The following LRP2 variants were observed in gnomAD, a reference collection of about 807,000 sequenced individuals.
The protein encoded by LRP2 is LDL receptor related protein 2.
Under a neutral mutation model 531.0 loss-of-function variants are expected in LRP2, and 172 were observed. That is an observed-to-expected ratio of 0.32 (90% CI 0.29 to 0.37). The LOEUF (loss-of-function observed/expected upper bound fraction) is 0.37. Ranked by LOEUF, LRP2 falls within the 10% of genes least tolerant of loss-of-function variation. The pLI is 1.00. For missense variants in LRP2, 5,167 were observed against 5,868.3 expected (o/e 0.88, Z 3.90); for synonymous variants, 1,992 against 2,027.6 (o/e 0.98, Z 0.47).
intron 58 of LRP2, 67 bp from the exon 59 acceptor site, chr2:169,170,734 C>T: frequency 8.8e-7 from 1 of 1,130,778 alleles, no homozygotes. Context: ...ATCTTGTGAG[C>T]TGACCATAGT....
chr2:169,220,348 A>G, intron 34 of LRP2, 106 bp downstream of exon 34: 2 of 813,298 alleles, frequency 2.5e-6, no homozygotes, highest in Non-Finnish European at 4.3e-6. Flanking sequence ...ATGTTGACAT[A>G]TGAAATCAGA....
At chr2:169,243,629 T>G (rs1480300722) in intron 22 of LRP2, 107 bp from the exon 23 acceptor site, 2 of 1,357,614 alleles carry the variant, frequency 1.5e-6, no homozygotes, top group Non-Finnish European at 2.1e-6. Context: ...CAATTGTACA[T>G]GGGTTCAAAA....
chr2:169,227,723 T>C (rs1237292036), intron 31 of LRP2, among the ~76,000 whole-genome samples: 4 of 152,226 alleles, frequency 2.6e-5, no homozygotes, highest in African/African-American at 9.6e-5. Flanking sequence ...CTTTTTCTTG[T>C]TCCTATCATT....
chr2:169,199,153 C>A (rs1688103023), intron 44 of LRP2, among the ~76,000 whole-genome samples: 1 of 152,170 alleles, frequency 6.6e-6, no homozygotes, highest in African/African-American at 2.4e-5. Flanking sequence ...CTTAAATCAT[C>A]TGTTTTCATT....
Position 169,206,498 on chromosome 2 carries a change from G to A in LRP2, c.7222C>T (p.His2408Tyr). The A allele has an allele frequency of 6.2e-7, 1 of 1,614,186 alleles. No homozygotes were observed. The change falls in exon 39 of 79, where the codon CAT (histidine) becomes TAT (tyrosine). Residue 2408 changes from histidine to tyrosine, a missense_variant. His to Tyr is a moderately conservative substitution (Grantham distance 83). Coordinates refer to ENST00000649046, the MANE Select transcript of LRP2 (RefSeq NM_004525.3). The part of the protein sequence containing the change: ...LRSLHLDPEN[H>Y]SPPFQTINVE... ...TTTATTGTTTGGAAAGGTGGGCTATGGTTTTCAGGGTCCAAGTGTAAGCTT... is the reference window on the plus strand; with the variant it reads ...TTTATTGTTTGGAAAGGTGGGCTATAGTTTTCAGGGTCCAAGTGTAAGCTT...
intron 4 of LRP2, among the ~76,000 whole-genome samples, chr2:169,299,131 G>GAAAGAAAGAAAGAAAGAAAGAA (rs1684215157): frequency 1.4e-5 from 1 of 72,038 alleles, no homozygotes; most frequent in African/African-American, 4.9e-5. Flanking sequence ...AAGAAAGAAA[G>GAAAGAAAGAAAGAAAGAAAGAA]AAAGAAAGAA....
chr2:169,196,482 C>G (rs1342956898), intron 46 of LRP2, among the ~76,000 whole-genome samples: 3 of 152,122 alleles, frequency 2.0e-5, no homozygotes, highest in African/African-American at 7.2e-5. Context: ...TAAACTGGCA[C>G]AGAGAGAGAA....
chr2:169,158,886 C>A (rs535267569), intron 63 of LRP2, among the ~76,000 whole-genome samples: 4 of 151,636 alleles, frequency 2.6e-5, no homozygotes, highest in Non-Finnish European at 5.9e-5. Context: ...TTTTGTAGAG[C>A]CCATATAAAT....
Position 169,306,905 on chromosome 2 carries a change from A to G in LRP2, c.427+376T>C, listed in dbSNP as rs1684435595. Among the ~76,000 whole-genome samples, 3 of 152,250 alleles carry G rather than the reference A, an allele frequency of 2.0e-5. 1 individual carries two copies. The highest frequency in any genetic ancestry group is 4.1e-4 in the South Asian group (2 of 4,832). On this transcript the variant is annotated intron_variant, in intron 4 of 78. Coordinates refer to ENST00000649046, the MANE Select transcript of LRP2 (RefSeq NM_004525.3). ...TGAAAAATGTTGAGTTCATAAAAGC[A>G]GGAAAACTAGTGAGAAATTTGACCT... is the stretch of plus-strand genomic sequence containing the variant.
chr2:169,238,052 G>C, intron 27 of LRP2, 39 bp downstream of exon 27: 1 of 1,565,004 alleles, frequency 6.4e-7, no homozygotes, highest in South Asian at 1.1e-5. Context: ...CCAAGACAGA[G>C]GAACTAGCCA....
rs1163463186 is a variant in LRP2 at position 169,138,603 on chromosome 2, T to C, written c.13492A>G (p.Thr4498Ala). The C allele has an allele frequency of 6.2e-7, 1 of 1,614,040 alleles. No individual in the cohort carries two copies. The highest frequency in any genetic ancestry group is 2.2e-5 in the East Asian group (1 of 44,874). ...DIGVSGFGPETAIDRSMAMSE... is the reference protein window; with the variant it reads ...DIGVSGFGPEAAIDRSMAMSE... Reference sequence around the variant, plus strand: ...ATTGCCATTGACCTGTCAATAGCAGTCTCAGGTCCAAAACCAGACACTCCA... The same window carrying C: ...ATTGCCATTGACCTGTCAATAGCAGCCTCAGGTCCAAAACCAGACACTCCA... Residue 4498 changes from threonine (T) to alanine (A), a missense_variant, in exon 75 of 79, where the codon ACT (threonine) becomes GCT (alanine). By Grantham distance (58) the Thr-to-Ala change is moderately conservative. Around this residue, in one of 6 missense-constraint regions of LRP2, gnomAD observed 348 missense variants for 369.3 expected, o/e 0.94. Coordinates refer to ENST00000649046, the MANE Select transcript of LRP2 (RefSeq NM_004525.3).
intron 16 of LRP2, among the ~76,000 whole-genome samples, chr2:169,261,819 G>C (rs994268261): frequency 3.3e-5 from 5 of 152,056 alleles, no homozygotes; most frequent in African/African-American, 1.2e-4. Context: ...CAATATCCTT[G>C]ATGAACATTG....
In LRP2 at chr2:169,196,972, T is replaced by C. The variant is rs1416603479; in HGVS notation, c.8637A>G (p.Gln2879=). Residue 2879 remains glutamine (Q), a synonymous_variant, in exon 46 of 79, where the codon CAA becomes CAG. Coordinates refer to ENST00000649046, the MANE Select transcript of LRP2 (RefSeq NM_004525.3). The part of the protein sequence containing the change: ...FQCASGRCIP[Q]HWYCDQETDC... ...CTGTTTCTTGATCACAATACCAATG[T>C]TGAGGAATACAGCGCCCAGATGCGC... 1.2e-6 allele frequency: 2 copies of C among 1,614,038 alleles called. No homozygotes were observed. Among genetic ancestry groups the C allele is most frequent in the Admixed American group, 3.3e-5 (2 of 60,010 alleles).
In LRP2 at chr2:169,188,275, G is replaced by T. The variant is rs758362154; in HGVS notation, c.9033-10C>A. On this transcript the variant is annotated splice_polypyrimidine_tract_variant and intron_variant, in intron 48 of 78. Coordinates refer to ENST00000649046, the MANE Select transcript of LRP2 (RefSeq NM_004525.3). ...ATTGTGCCGGTCACACCTGTATCAT[G>T]AGATCCAGTACCACTTTCAGAGAGG... 1 of 1,613,834 alleles carries T rather than the reference G, an allele frequency of 6.2e-7. No individual in the cohort carries two copies. The highest frequency in any genetic ancestry group is 1.1e-5 in the South Asian group (1 of 91,064).
Position 169,139,318 on chromosome 2 carries a change from C to A in LRP2, c.13321G>T (p.Ala4441Ser). The change falls in exon 74 of 79, where the codon GCA becomes TCA. Residue 4441 changes from alanine to serine, a missense_variant. This residue lies in a region of LRP2 where 348 missense variants were observed against 369.3 expected (regional missense o/e 0.94). Transcript: ENST00000649046. ...CTATAGTGGAAGAATCCTGCAATTG[C>A]CAGAGCTCCAATTACGACGATCAAG... ...ILLIVVIGAL[A>S]IAGFFHYRRT... The A allele has an allele frequency of 6.2e-7, 1 of 1,614,124 alleles. No homozygotes were observed. Among genetic ancestry groups the A allele is most frequent in the South Asian group, 1.1e-5 (1 of 91,074 alleles).
chr2:169,155,726 G>A (rs563563655), intron 65 of LRP2, among the ~76,000 whole-genome samples: 26 of 152,236 alleles, frequency 1.7e-4, no homozygotes, highest in Admixed American at 5.9e-4. Context: ...AACCTAAAAC[G>A]TAAAACTCAT....
chr2:169,304,574 G>A (rs10174058), intron 4 of LRP2, among the ~76,000 whole-genome samples: 2,193 of 152,088 alleles, frequency 0.014, 57 homozygotes, highest in African/African-American at 0.05. Flanking sequence ...AGAACCTACT[G>A]TGTGCTTTAC....
intron 48 of LRP2, among the ~76,000 whole-genome samples, chr2:169,189,246 C>CA (rs1559005042): frequency 6.6e-6 from 1 of 152,176 alleles, no homozygotes; most frequent in Non-Finnish European, 1.5e-5. Context: ...GTGAAGGCAA[C>CA]AACGGTGAAT....
rs751125857 is a variant in LRP2, at chr2:169,206,775, C to T, written c.6945G>A (p.Val2315=). 6.2e-7 allele frequency: 1 copy of T among 1,614,148 alleles called. No homozygotes were observed. Among genetic ancestry groups the T allele is most frequent in the Non-Finnish European group, 8.5e-7 (1 of 1,180,026 alleles). The change falls in exon 39 of 79, where the codon GTG becomes GTA. Residue 2315 remains valine, a synonymous_variant. Transcript: ENST00000649046. The part of the protein sequence containing the change: ...KEPENTEPPT[V]IRDNINWLRD... ...TTAGCCAGTTGATATTGTCTCTTAT[C>T]ACTGTGGGTGGCTCTGTGTTCTCTG...
Sources: allele counts gnomAD v4.1 joint callset (sites outside exome capture counted in the v4.1 genomes callset), GRCh38; gene constraint gnomAD v4.1.1; regional missense constraint gnomAD v4.1.1; transcripts MANE v1.5; gene names NCBI Gene and HGNC (gene_info 2026-07-23, HGNC 2026-07-21).